The following SIPA1L1 variants were observed in gnomAD, a reference collection of about 807,000 sequenced individuals.
SIPA1L1 encodes signal induced proliferation associated 1 like 1, also known as signal-induced proliferation-associated 1-like protein 1.
SIPA1L1 carries 26 observed loss-of-function variants against 162.7 expected under a neutral mutation model. The ratio of observed to expected loss-of-function variants is 0.16; its 90% CI spans 0.12 to 0.22. The LOEUF is 0.22. Ranked by LOEUF, SIPA1L1 falls within the 10% of genes least tolerant of loss-of-function variation. The pLI, the probability that SIPA1L1 is intolerant of heterozygous loss-of-function variation, is 1.00. For synonymous variants in SIPA1L1, 829 were observed against 837.4 expected, an observed-to-expected ratio of 0.99 and a Z score of 0.17; for missense variants, 1,874 against 2,241.0, an observed-to-expected ratio of 0.84 and a Z score of 3.31.
At chr14:71,491,620 G>T (rs1296105591) in intron 2 of SIPA1L1, among the ~76,000 whole-genome samples, 2 of 151,720 alleles carry the variant, frequency 1.3e-5, no homozygotes, top group African/African-American at 4.8e-5. Flanking sequence ...CTGCAGCCTC[G>T]ACCTCCCCGG....
chr14:71,575,245 G>T (rs1472997099), intron 4 of SIPA1L1, among the ~76,000 whole-genome samples: 1 of 152,070 alleles, frequency 6.6e-6, no homozygotes, highest in Non-Finnish European at 1.5e-5. Flanking sequence ...CTGCGGAACT[G>T]ACTGTCCCTT....
At chr14:71,540,770 G>A (rs1052105219) in intron 4 of SIPA1L1, among the ~76,000 whole-genome samples, 4 of 152,150 alleles carry the variant, frequency 2.6e-5, no homozygotes, top group Admixed American at 2.0e-4. Context: ...ATCATGTAGT[G>A]TTTTAAAAAA....
At chr14:71,592,572 C>A (rs572729878) in intron 5 of SIPA1L1, among the ~76,000 whole-genome samples, 1 of 151,626 alleles carries the variant, frequency 6.6e-6, no homozygotes, top group Admixed American at 6.6e-5. Flanking sequence ...CGCTTATCAC[C>A]GGGTAGTTTC....
intron 4 of SIPA1L1, among the ~76,000 whole-genome samples, chr14:71,542,481 GCTTCTT>G (rs1398334165): frequency 1.4e-5 from 2 of 142,754 alleles, no homozygotes; most frequent in African/African-American, 5.3e-5. Context: ...TTCTGCTTCT[GCTTCTT>G]CTGCTTCTTC....
intron 2 of SIPA1L1, among the ~76,000 whole-genome samples, chr14:71,484,844 A>G (rs925533057): frequency 6.6e-6 from 1 of 152,182 alleles, no homozygotes; most frequent in Admixed American, 6.5e-5. Context: ...TGGAAATGGA[A>G]TTACTTTGCT....
intron 16 of SIPA1L1, 147 bp from the exon 17 acceptor site, chr14:71,709,075 G>T (rs373818601): frequency 1.6e-6 from 1 of 629,426 alleles, no homozygotes. Flanking sequence ...AGTGACATAG[G>T]TTCCCTGTCT....
chr14:71,671,334 C>T lies in SIPA1L1; in HGVS notation c.2471C>T (p.Thr824Ile). The change falls in exon 11 of 24, where the codon ACC (threonine) becomes ATC (isoleucine). Residue 824 changes from threonine (T) to isoleucine (I), a missense_variant. Coordinates refer to ENST00000381232, the MANE Select transcript of SIPA1L1 (RefSeq NM_001386936.1). ...CTGGCAGAAAAGAATGTCACCAACA[C>T]CCCTATCGACCCTTCTGGCAAGTTT... Reference protein sequence around the residue: ...KDLAEKNVTNTPIDPSGKFPF... With the variant: ...KDLAEKNVTNIPIDPSGKFPF... The T allele has an allele frequency of 6.2e-7, 1 of 1,614,226 alleles. No homozygotes were observed. Among genetic ancestry groups the T allele is most frequent in the South Asian group, 1.1e-5 (1 of 91,078 alleles).
chr14:71,590,276 G>T (rs1283697542), intron 5 of SIPA1L1, among the ~76,000 whole-genome samples: 2 of 151,834 alleles, frequency 1.3e-5, no homozygotes, highest in Admixed American at 6.6e-5. Context: ...GAGGAAACAG[G>T]ATGCTTACCC....
chr14:71,329,352 T>A (rs1417745933), intron 2 of SIPA1L1, among the ~76,000 whole-genome samples: 1 of 152,158 alleles, frequency 6.6e-6, no homozygotes, highest in Non-Finnish European at 1.5e-5. Flanking sequence ...AGTTGTACCA[T>A]TTTACAATCT....
At chr14:71,585,904 T>C (rs561383335) in intron 4 of SIPA1L1, among the ~76,000 whole-genome samples, 2 of 152,362 alleles carry the variant, frequency 1.3e-5, no homozygotes, top group South Asian at 4.1e-4. Flanking sequence ...GAACCTTTGC[T>C]ATGGCCATAT....
intron 13 of SIPA1L1, among the ~76,000 whole-genome samples, chr14:71,691,342 A>G (rs1176120489): frequency 1.3e-5 from 2 of 152,116 alleles, no homozygotes; most frequent in Non-Finnish European, 2.9e-5. Context: ...CTATAATCCC[A>G]CCACTTTGGG....
intron 7 of SIPA1L1, among the ~76,000 whole-genome samples, chr14:71,646,156 A>G (rs2042138046): frequency 6.7e-6 from 1 of 149,874 alleles, no homozygotes; most frequent in Non-Finnish European, 1.5e-5. Flanking sequence ...GTCAGATTGC[A>G]CTGTCTGTTT....
intron 4 of SIPA1L1, among the ~76,000 whole-genome samples, chr14:71,583,162 GTTGT>G (rs955476532): frequency 7.9e-5 from 12 of 151,976 alleles, no homozygotes; most frequent in African/African-American, 2.7e-4. Flanking sequence ...CTATTTTTTT[GTTGT>G]TTGTTTAAGA....
intron 7 of SIPA1L1, among the ~76,000 whole-genome samples, chr14:71,638,125 A>C (rs1400742496): frequency 6.6e-6 from 1 of 152,202 alleles, no homozygotes; most frequent in African/African-American, 2.4e-5. Flanking sequence ...AAGTCTACCT[A>C]ACATTTAAAG....
chr14:71,436,628 A>G (rs2044397767), intron 2 of SIPA1L1, among the ~76,000 whole-genome samples: 1 of 151,960 alleles, frequency 6.6e-6, no homozygotes, highest in Non-Finnish European at 1.5e-5. Context: ...CTTTTAAATT[A>G]TTATATATTT....
chr14:71,335,394 C>A (rs143731339), intron 2 of SIPA1L1, among the ~76,000 whole-genome samples: 1 of 152,340 alleles, frequency 6.6e-6, no homozygotes, highest in East Asian at 1.9e-4. Flanking sequence ...TATCACTCTT[C>A]ACTGCTGTCC....
chr14:71,672,626 G>A lies in SIPA1L1; in HGVS notation c.3104+4G>A. 6.2e-7 allele frequency: 1 copy of A among 1,610,700 alleles called. No homozygotes were observed. Among genetic ancestry groups the A allele is most frequent in the Non-Finnish European group, 8.5e-7 (1 of 1,177,176 alleles). On this transcript the variant is annotated splice_donor_region_variant and intron_variant, in intron 12 of 23. Coordinates refer to ENST00000381232, the MANE Select transcript of SIPA1L1 (RefSeq NM_001386936.1). ...ATGATGACTGCACCCCGCGGAGGTAGGTCTGAGGAGACAGCTGTGGGCCTG... is the reference window on the plus strand; with the variant it reads ...ATGATGACTGCACCCCGCGGAGGTAAGTCTGAGGAGACAGCTGTGGGCCTG...
chr14:71,390,467 T>C (rs2040657061), intron 2 of SIPA1L1, among the ~76,000 whole-genome samples: 1 of 152,314 alleles, frequency 6.6e-6, no homozygotes, highest in East Asian at 1.9e-4. Context: ...ATTGGTTGTT[T>C]TGGTGCCCAA....
intron 4 of SIPA1L1, among the ~76,000 whole-genome samples, chr14:71,558,524 A>T (rs778987988): frequency 3.9e-5 from 6 of 152,166 alleles, no homozygotes; most frequent in Admixed American, 1.3e-4. Flanking sequence ...CTCTGTTTTC[A>T]CTTGGCTGTA....
Sources: gnomAD v4.1 joint callset for allele counts (sites outside exome capture counted in the v4.1 genomes callset) on GRCh38, gnomAD v4.1.1 for gene constraint, MANE v1.5 for transcripts, NCBI Gene and HGNC (gene_info 2026-07-23, HGNC 2026-07-21) for gene names.